The following RERE variants were observed in gnomAD, a reference collection of about 807,000 sequenced individuals.
RERE encodes the protein arginine-glutamic acid dipeptide repeats.
In RERE, 40 loss-of-function variants were observed where a neutral mutation model predicts 146.1. The observed-to-expected ratio is 0.27, with a 90% CI of 0.21 to 0.36. The LOEUF is 0.36. Among genes scored for constraint, RERE ranks in the 10% least tolerant of loss-of-function variants. The probability of loss-of-function intolerance (pLI) is 1.00; values close to 1 mark genes in which losing one functional copy is unlikely to be tolerated. For missense variants in RERE, 1,933 were observed against 2,138.7 expected (o/e 0.90, Z 1.90); for synonymous variants, 1,003 against 866.0 (o/e 1.16, Z -2.78).
At chr1:8,744,467 C>A (rs1640379783) in intron 1 of RERE, among the ~76,000 whole-genome samples, 1 of 152,176 alleles carries the variant, frequency 6.6e-6, no homozygotes, top group Admixed American at 6.5e-5. Flanking sequence ...ACTGTATTAG[C>A]TGCATTCTTA....
At position 8,353,902 on chromosome 1, in the gene RERE, C is replaced by T. The variant is rs1431872091; in HGVS notation, c.*1185G>A. 2.6e-5 allele frequency: 4 copies of T among 152,558 alleles called. No homozygotes were observed. Among genetic ancestry groups the T allele is most frequent in the East Asian group, 1.9e-4 (1 of 5,202 alleles). The allele number at this position is 152,558 out of a possible 1,614,324, so 9.5% of individuals were successfully genotyped here. Reference sequence around the variant, plus strand: ...CAATCTGTGGCAAGAAAGATGGGGCCGTCCTCACCACAAGATCCAAGTGAC... The same window carrying T: ...CAATCTGTGGCAAGAAAGATGGGGCTGTCCTCACCACAAGATCCAAGTGAC... On this transcript the variant is annotated 3_prime_UTR_variant, in exon 23 of 23. Transcript: ENST00000400908.
In RERE at chr1:8,423,739, CCGGGGGGCG is replaced by C. The variant is rs959521530; in HGVS notation, c.1204-941_1204-933del. 54 of 972,758 alleles carry C rather than the reference CCGGGGGGCG, an allele frequency of 5.6e-5. No homozygotes were observed. Among genetic ancestry groups the C allele is most frequent in the East Asian group, 3.5e-4 (3 of 8,678 alleles). The allele number at this position is 972,758 out of a possible 1,614,324, so 60.3% of individuals were successfully genotyped here. On this transcript the variant is annotated intron_variant, in intron 11 of 22. Transcript: ENST00000400908. This position sits in a 1 kb window ranked among gnomAD's most constrained non-coding sequence, Gnocchi z 5.4. Reference sequence around the variant, plus strand: ...GCGGCGGGGCCGCGCGGCGCGGGGCCCGGGGGGCGCGGGGCTGGGGCCGCCGCTGACGGG... The same window carrying C: ...GCGGCGGGGCCGCGCGGCGCGGGGCCCGGGGCTGGGGCCGCCGCTGACGGG...
intron 11 of RERE, among the ~76,000 whole-genome samples, chr1:8,446,994 G>T (rs528960133): frequency 6.6e-6 from 1 of 151,510 alleles, no homozygotes; most frequent in African/African-American, 2.4e-5. Flanking sequence ...ATTTCTTTTC[G>T]TTCTTTTTTC....
chr1:8,810,819 ATT>A (rs903795396), intron 1 of RERE, among the ~76,000 whole-genome samples: 1 of 152,144 alleles, frequency 6.6e-6, no homozygotes, highest in Non-Finnish European at 1.5e-5. Flanking sequence ...TTATAAACGT[ATT>A]TCACCCCACA....
In RERE at chr1:8,498,726, AAT is replaced by A. The variant is rs1216467734; in HGVS notation, c.880-1199_880-1198del. On this transcript the variant is annotated intron_variant, in intron 8 of 22. Coordinates refer to ENST00000400908, the MANE Select transcript of RERE (RefSeq NM_001042681.2). ...AAAAAAAAATAAAAAAAAAAAAATA[AAT>A]ATATACACACACACACACACACACA... Among the ~76,000 whole-genome samples the A allele has an allele frequency of 7.1e-3, 109 of 15,336 alleles. 2 individuals carry two copies. Among genetic ancestry groups the A allele is most frequent in the African/African-American group, 0.023 (94 of 4,042 alleles). 10.1% of individuals were successfully genotyped at this position (15,336 alleles called of 152,430 possible).
intron 4 of RERE, among the ~76,000 whole-genome samples, chr1:8,602,924 CT>C (rs1200581934): frequency 6.6e-6 from 1 of 152,194 alleles, no homozygotes; most frequent in Non-Finnish European, 1.5e-5. Flanking sequence ...GAACCAGGAG[CT>C]GTTCCAGACA....
At chr1:8,454,373 TG>T (rs1644425294) in intron 11 of RERE, among the ~76,000 whole-genome samples, 1 of 151,714 alleles carries the variant, frequency 6.6e-6, no homozygotes, top group Admixed American at 6.6e-5. Context: ...ATTTTTCACC[TG>T]GGAAGTGAAA....
chr1:8,458,062 T>G (rs563735757), intron 11 of RERE, among the ~76,000 whole-genome samples: 71 of 152,262 alleles, frequency 4.7e-4, no homozygotes, highest in Non-Finnish European at 7.5e-4. Flanking sequence ...CCTGTGAAAA[T>G]GTAAGACTCC....
Position 8,656,068 on chromosome 1 carries a change from T to C in RERE, c.230A>G (p.Lys77Arg), listed in dbSNP as rs1638280903. The part of the protein sequence containing the change: ...TAEESTKKNK[K>R]KPPKKKSRYE... Reference sequence around the variant, plus strand: ...ACGAGACTTTTTTTTCGGTGGTTTCTTCTTATTCTTCTTCGTGGACTCCTC... The same window carrying C: ...ACGAGACTTTTTTTTCGGTGGTTTCCTCTTATTCTTCTTCGTGGACTCCTC... Residue 77 changes from lysine to arginine, a missense_variant, in exon 2 of 23, where the codon AAG becomes AGG. By Grantham distance (26) the Lys-to-Arg change is conservative (BLOSUM62 2). Coordinates refer to ENST00000400908, the MANE Select transcript of RERE (RefSeq NM_001042681.2). The C allele has an allele frequency of 6.2e-7, 1 of 1,613,988 alleles. No individual in the cohort carries two copies. Among genetic ancestry groups the C allele is most frequent in the Admixed American group, 1.7e-5 (1 of 60,004 alleles).
chr1:8,551,882 A>G (rs1355523509), intron 6 of RERE, among the ~76,000 whole-genome samples: 1 of 152,220 alleles, frequency 6.6e-6, no homozygotes, highest in African/African-American at 2.4e-5. Context: ...CTATTATACC[A>G]CAATGCCAGC....
At chr1:8,670,541 T>C (rs1638688243) in intron 1 of RERE, among the ~76,000 whole-genome samples, 1 of 151,886 alleles carries the variant, frequency 6.6e-6, no homozygotes, top group Non-Finnish European at 1.5e-5. Context: ...AGAAAAAAAA[T>C]AAAGCTGGGC....
chr1:8,360,305 G>A lies in RERE; in HGVS notation c.3202C>T (p.Pro1068Ser). Reference protein sequence around the residue: ...PPAGPGTSAQPPCSGAAASGG... With the variant: ...PPAGPGTSAQSPCSGAAASGG... ...GAAGCCGCCGCACCAGAGCAGGGTG[G>A]CTGGGCCGAGGTGCCAGGTCCCGCC... The change falls in exon 18 of 23, where the codon CCA (proline) becomes TCA (serine). Residue 1068 changes from proline (P) to serine (S), a missense_variant. Coordinates refer to ENST00000400908, the MANE Select transcript of RERE (RefSeq NM_001042681.2). The A allele has an allele frequency of 1.3e-6, 2 of 1,543,904 alleles. No individual in the cohort carries two copies. The highest frequency in any genetic ancestry group is 1.9e-5 in the Admixed American group (1 of 51,560).
chr1:8,680,081 G>C lies in RERE; in HGVS notation c.-144-23640C>G, dbSNP rs932748463. Among the ~76,000 whole-genome samples, 8 of 152,160 alleles carry C rather than the reference G, an allele frequency of 5.3e-5. No individual in the cohort carries two copies. The East Asian group carries it at 1.5e-3, about 29-fold the overall frequency. ...TGATGTATGGGGAAGGTGGTAGCGG[G>C]TAGGGGTGCAAGAGATTCTGTACAC... On this transcript the variant is annotated intron_variant, in intron 1 of 22. Coordinates refer to ENST00000400908, the MANE Select transcript of RERE (RefSeq NM_001042681.2).
chr1:8,386,450 G>A (rs1642683703), intron 12 of RERE, among the ~76,000 whole-genome samples: 1 of 151,034 alleles, frequency 6.6e-6, no homozygotes, highest in Non-Finnish European at 1.5e-5. Context: ...CACAAATAAG[G>A]GTTTCCACTC....
intron 1 of RERE, among the ~76,000 whole-genome samples, chr1:8,705,216 A>G (rs186201419): frequency 2.0e-5 from 3 of 152,346 alleles, no homozygotes; most frequent in African/African-American, 7.2e-5. Flanking sequence ...TACTGTACCT[A>G]GTCTCTCAGG....
chr1:8,355,664 A>T, intron 21 of RERE, 65 bp from the exon 22 acceptor site: 1 of 1,407,604 alleles, frequency 7.1e-7, no homozygotes, highest in Non-Finnish European at 9.6e-7. Context: ...CCAGGGCGGC[A>T]CAGGCACAGC....
At chr1:8,674,830 C>T (rs968517110) in intron 1 of RERE, among the ~76,000 whole-genome samples, 48 of 152,310 alleles carry the variant, frequency 3.2e-4, no homozygotes, top group African/African-American at 1.0e-3. Flanking sequence ...TGGTGCCCAA[C>T]GTAAGCATAT....
intron 1 of RERE, among the ~76,000 whole-genome samples, chr1:8,809,016 T>C (rs1213950572): frequency 6.6e-6 from 1 of 151,744 alleles, no homozygotes; most frequent in Admixed American, 6.6e-5. Context: ...CAGGCGCCTG[T>C]AGTCCCAGCT....
At chr1:8,589,357 T>C (rs1373956845) in intron 4 of RERE, among the ~76,000 whole-genome samples, 1 of 152,048 alleles carries the variant, frequency 6.6e-6, no homozygotes, top group Non-Finnish European at 1.5e-5. Flanking sequence ...GAAGAATCAG[T>C]TGAATCTGGG....
Sources: gnomAD v4.1 joint callset for allele counts (sites outside exome capture counted in the v4.1 genomes callset) on GRCh38, gnomAD v4.1.1 for gene constraint, Gnocchi (gnomAD v3.1) non-coding constraint, MANE v1.5 for transcripts, NCBI Gene and HGNC (gene_info 2026-07-23, HGNC 2026-07-21) for gene names.